ZFTA: variants seen among roughly 807,000 people sequenced by gnomAD.
The protein encoded by ZFTA is zinc finger translocation-associated protein.
ZFTA carries 35 observed loss-of-function variants against 41.8 expected under a neutral mutation model. That is an observed-to-expected ratio of 0.84 (90% confidence interval 0.64 to 1.11). The LOEUF (loss-of-function observed/expected upper bound fraction) is 1.11. ZFTA is among the 50% of genes most tolerant of loss of function. The pLI is 0.00. For missense variants in ZFTA, 964 were observed against 989.8 expected, an observed-to-expected ratio of 0.97 and a Z score of 0.35; for synonymous variants, 514 against 436.4, an observed-to-expected ratio of 1.18 and a Z score of -2.22.
chr11:63,765,739 G>C lies in ZFTA; in HGVS notation c.637+68C>G. ...TCAAGAACACCAGCTCCTTGGCAGA[G>C]CAGCTGGCCCACTGTGCCCCACTGG... On this transcript the variant is annotated intron_variant, in intron 2 of 4. Transcript: ENST00000433688. The surrounding 1 kb of genome is among the most constrained non-coding windows in gnomAD (Gnocchi z 4.0). The C allele has an allele frequency of 7.0e-7, 1 of 1,427,662 alleles. No homozygotes were observed. The highest frequency in any genetic ancestry group is 9.1e-7 in the Non-Finnish European group (1 of 1,093,758). 88.4% of individuals were successfully genotyped at this position (1,427,662 alleles called of 1,614,324 possible).
chr11:63,768,187 G>A (rs1390765172), intron 1 of ZFTA, among the ~76,000 whole-genome samples: 3 of 151,840 alleles, frequency 2.0e-5, no homozygotes, highest in Non-Finnish European at 4.4e-5. Context: ...GCCTCGCTCC[G>A]TGGCGCCCTG....
At position 63,762,807 on chromosome 11, in the gene ZFTA, C is replaced by T. The variant is rs1376735706; in HGVS notation, c.*611G>A. The T allele has an allele frequency of 1.3e-5, 2 of 152,108 alleles. No individual in the cohort carries two copies. The highest frequency in any genetic ancestry group is 2.4e-5 in the African/African-American group (1 of 41,430). The allele number at this position is 152,108 out of a possible 1,614,324, so 9.4% of individuals were successfully genotyped here. ...CGGGCGCGTAGCCCCGCCCTCGGTC[C>T]AACGCGCCTTCCCACCCCGGGAAGG... is the stretch of plus-strand genomic sequence containing the variant. On this transcript the variant is annotated 3_prime_UTR_variant, in exon 5 of 5. Transcript: ENST00000433688.
chr11:63,765,398 C>T lies in ZFTA; in HGVS notation c.638-144G>A. 1.0e-6 allele frequency: 1 copy of T among 964,436 alleles called. No homozygotes were observed. The highest frequency in any genetic ancestry group is 1.4e-6 in the Non-Finnish European group (1 of 692,556). The allele number at this position is 964,436 out of a possible 1,614,324, so 59.7% of individuals were successfully genotyped here. A position where few individuals can be genotyped will look rare whatever the true frequency, so the allele number is the denominator to read the frequency against. On this transcript the variant is annotated intron_variant, in intron 2 of 4. Transcript: ENST00000433688. This position sits in a 1 kb window ranked among gnomAD's most constrained non-coding sequence, Gnocchi z 4.0. ...CTTCCTCTCTCCTGAAATCCTAACTCCCTAAACCCTCCTCTGCTAGCATTT... is the reference window on the plus strand; with the variant it reads ...CTTCCTCTCTCCTGAAATCCTAACTTCCTAAACCCTCCTCTGCTAGCATTT...
At position 63,762,433 on chromosome 11, in the gene ZFTA, T is replaced by A. The variant is rs1236089303; in HGVS notation, c.*985A>T. The A allele has an allele frequency of 6.6e-6, 1 of 152,222 alleles. No homozygotes were observed. The highest frequency in any genetic ancestry group is 2.4e-5 in the African/African-American group (1 of 41,456). 9.4% of individuals were successfully genotyped at this position (152,222 alleles called of 1,614,324 possible). A position where few individuals can be genotyped will look rare whatever the true frequency, so the allele number is the denominator to read the frequency against. ...CTGGGAGATCGCGGGGCCCCATCCC[T>A]GCCACACAGGGCCTGCGGCTGCCAC... On this transcript the variant is annotated 3_prime_UTR_variant, in exon 5 of 5. Coordinates refer to ENST00000433688, the MANE Select transcript of ZFTA (RefSeq NM_001144936.2).
Position 63,764,396 on chromosome 11 carries a change from C to G in ZFTA, c.1227G>C (p.Pro409=), listed in dbSNP as rs1374260552. Residue 409 remains proline, a synonymous_variant, in exon 4 of 5, where the codon CCG becomes CCC. Transcript: ENST00000433688. ...GGTGGCGGCGGTGGGCGCGGCCCCG[C>G]GGCGACCGGCCCGGGACCCCCGCCC... ...GERAGVPGRS[P]RGRAHRRHPQ... 3 of 1,296,022 alleles carry G rather than the reference C, an allele frequency of 2.3e-6. No individual in the cohort carries two copies. Among genetic ancestry groups the G allele is most frequent in the African/African-American group, 3.1e-5 (2 of 64,330 alleles). The allele number at this position is 1,296,022 out of a possible 1,614,324, so 80.3% of individuals were successfully genotyped here. A position where few individuals can be genotyped will look rare whatever the true frequency, so the allele number is the denominator to read the frequency against.
At position 63,760,363 on chromosome 11, in the gene ZFTA, C is replaced by T. The variant is rs866169524; in HGVS notation, c.*3055G>A. 2 of 152,200 alleles carry T rather than the reference C, an allele frequency of 1.3e-5. No individual in the cohort carries two copies. The highest frequency in any genetic ancestry group is 2.9e-5 in the Non-Finnish European group (2 of 68,028). The allele number at this position is 152,200 out of a possible 1,614,324, so 9.4% of individuals were successfully genotyped here. A position where few individuals can be genotyped will look rare whatever the true frequency, so the allele number is the denominator to read the frequency against. ...AACTAAGGCTGCTGTGACCCTTAAG[C>T]TGGCTTTTAAAAATGTATTCAACAT... On this transcript the variant is annotated 3_prime_UTR_variant, in exon 5 of 5. Coordinates refer to ENST00000433688, the MANE Select transcript of ZFTA (RefSeq NM_001144936.2).
At chr11:63,764,828 C>T (rs1025298605) in intron 3 of ZFTA, 40 bp downstream of exon 3, 20 of 1,438,264 alleles carry the variant, frequency 1.4e-5, no homozygotes, top group Admixed American at 2.8e-5. Context: ...ACTTCAGAGC[C>T]CCAGTATGAG....
chr11:63,764,299 A>G lies in ZFTA; in HGVS notation c.1324T>C (p.Cys442Arg). The change falls in exon 4 of 5, where the codon TGC becomes CGC. Residue 442 changes from cysteine (C) to arginine (R), a missense_variant. Around this residue, in one of 5 missense-constraint regions of ZFTA, gnomAD observed 584 missense variants for 523.1 expected, o/e 1.12. Transcript: ENST00000433688. ...GGRRGLVCGV[C>R]GGALASLKMS... ...TTGAGCGAGGCCAGCGCGCCCCCGC[A>G]CACCCCGCACACCAGGCCGCGCCGG... is the stretch of plus-strand genomic sequence containing the variant. 1 of 1,423,980 alleles carries G rather than the reference A, an allele frequency of 7.0e-7. No homozygotes were observed. The highest frequency in any genetic ancestry group is 9.1e-7 in the Non-Finnish European group (1 of 1,094,766). 88.2% of individuals were successfully genotyped at this position (1,423,980 alleles called of 1,614,324 possible). A position where few individuals can be genotyped will look rare whatever the true frequency, so the allele number is the denominator to read the frequency against.
Position 63,760,453 on chromosome 11 carries a change from G to A in ZFTA, c.*2965C>T, listed in dbSNP as rs950568377. The A allele has an allele frequency of 2.0e-5, 3 of 152,028 alleles. No individual in the cohort carries two copies. The highest frequency in any genetic ancestry group is 4.8e-5 in the African/African-American group (2 of 41,386). 9.4% of individuals were successfully genotyped at this position (152,028 alleles called of 1,614,324 possible). A position where few individuals can be genotyped will look rare whatever the true frequency, so the allele number is the denominator to read the frequency against. On this transcript the variant is annotated 3_prime_UTR_variant, in exon 5 of 5. Coordinates refer to ENST00000433688, the MANE Select transcript of ZFTA (RefSeq NM_001144936.2). The stretch of plus-strand genomic sequence containing the variant: ...CTGATGCAAACAATTTCACAAATAC[G>A]CATACAAATGTTTGAATAATGTCAC...
chr11:63,765,677 T>C lies in ZFTA; in HGVS notation c.637+130A>G, dbSNP rs1213805809. On this transcript the variant is annotated intron_variant, in intron 2 of 4. Coordinates refer to ENST00000433688, the MANE Select transcript of ZFTA (RefSeq NM_001144936.2). This position sits in a 1 kb window ranked among gnomAD's most constrained non-coding sequence, Gnocchi z 4.0. ...CCCCACCTTTGTATAATAAGGGCAA[T>C]AAACAGACCCCACCCAGAGGAGGAG... 2.3e-6 allele frequency: 3 copies of C among 1,303,264 alleles called. No homozygotes were observed. The highest frequency in any genetic ancestry group is 3.0e-6 in the Non-Finnish European group (3 of 990,644). 80.7% of individuals were successfully genotyped at this position (1,303,264 alleles called of 1,614,324 possible).
At position 63,761,668 on chromosome 11, in the gene ZFTA, T is replaced by C. The variant is rs1402572595; in HGVS notation, c.*1750A>G. ...GTTCCTGGGCTCCAATTTACCTATC[T>C]GTGAAGGTGAGGAGGGTAGTACTAG... On this transcript the variant is annotated 3_prime_UTR_variant, in exon 5 of 5. Transcript: ENST00000433688. The C allele has an allele frequency of 2.6e-5, 4 of 152,282 alleles. No individual in the cohort carries two copies. Among genetic ancestry groups the C allele is most frequent in the Non-Finnish European group, 5.9e-5 (4 of 68,112 alleles). 9.4% of individuals were successfully genotyped at this position (152,282 alleles called of 1,614,324 possible).
At position 63,763,784 on chromosome 11, in the gene ZFTA, T is replaced by TC; in HGVS notation, c.1670dup (p.Leu558ThrfsTer77). On this transcript the variant is annotated frameshift_variant, in exon 5 of 5. Transcript: ENST00000433688. LOFTEE classifies it low-confidence loss of function (END_TRUNC). ...GAGGAGGCGGCGGCGGCAAGGCGAG[T>TC]CCCCCAGGCTCCTGGCCGTCCTCTT... 1 of 1,454,672 alleles carries TC rather than the reference T, an allele frequency of 6.9e-7. No homozygotes were observed. 90.1% of individuals were successfully genotyped at this position (1,454,672 alleles called of 1,614,324 possible). A position where few individuals can be genotyped will look rare whatever the true frequency, so the allele number is the denominator to read the frequency against.
Position 63,760,455 on chromosome 11 carries a change from A to C in ZFTA, c.*2963T>G, listed in dbSNP as rs983145861. The stretch of plus-strand genomic sequence containing the variant: ...GATGCAAACAATTTCACAAATACGC[A>C]TACAAATGTTTGAATAATGTCACTA... On this transcript the variant is annotated 3_prime_UTR_variant, in exon 5 of 5. Transcript: ENST00000433688. The C allele has an allele frequency of 6.6e-6, 1 of 152,240 alleles. No individual in the cohort carries two copies. The highest frequency in any genetic ancestry group is 1.5e-5 in the Non-Finnish European group (1 of 68,044). The allele number at this position is 152,240 out of a possible 1,614,324, so 9.4% of individuals were successfully genotyped here. A position where few individuals can be genotyped will look rare whatever the true frequency, so the allele number is the denominator to read the frequency against.
chr11:63,765,191 GC>G lies in ZFTA; in HGVS notation c.700del (p.Ala234LeufsTer27). The G allele has an allele frequency of 6.6e-7, 1 of 1,510,080 alleles. No individual in the cohort carries two copies. Among genetic ancestry groups the G allele is most frequent in the Non-Finnish European group, 8.8e-7 (1 of 1,132,608 alleles). The allele number at this position is 1,510,080 out of a possible 1,614,324, so 93.5% of individuals were successfully genotyped here. A position where few individuals can be genotyped will look rare whatever the true frequency, so the allele number is the denominator to read the frequency against. On this transcript the variant is annotated frameshift_variant, in exon 3 of 5. Coordinates refer to ENST00000433688, the MANE Select transcript of ZFTA (RefSeq NM_001144936.2). LOFTEE classifies it high-confidence loss of function. The surrounding 1 kb of genome is among the most constrained non-coding windows in gnomAD (Gnocchi z 4.0). ...GGAGGCTGAGAGGCGCAGACGCCGA[GC>G]CCGGGGTGCCACTGGGCCCCCTCGC... Reference protein sequence around the residue: ...QRRGGPVAPRARRLRLSASRR... With the variant: ...QRRGGPVAPRXRRLRLSASRR...
In ZFTA at chr11:63,763,291, G is replaced by T. The variant is rs1326182622; in HGVS notation, c.*127C>A. On this transcript the variant is annotated 3_prime_UTR_variant, in exon 5 of 5. Coordinates refer to ENST00000433688, the MANE Select transcript of ZFTA (RefSeq NM_001144936.2). Reference sequence around the variant, plus strand: ...CCGTCTCCGCCCGGCCCGGCCAGCGGGGGGCGCGGCCGCGGGAAGCGCTAA... The same window carrying T: ...CCGTCTCCGCCCGGCCCGGCCAGCGTGGGGCGCGGCCGCGGGAAGCGCTAA... 3 of 655,100 alleles carry T rather than the reference G, an allele frequency of 4.6e-6. No homozygotes were observed. Among genetic ancestry groups the T allele is most frequent in the South Asian group, 7.2e-5 (1 of 13,940 alleles). 40.6% of individuals were successfully genotyped at this position (655,100 alleles called of 1,614,324 possible). A position where few individuals can be genotyped will look rare whatever the true frequency, so the allele number is the denominator to read the frequency against.
intron 1 of ZFTA, among the ~76,000 whole-genome samples, chr11:63,767,887 G>A (rs2014772198): frequency 6.6e-6 from 1 of 152,208 alleles, no homozygotes; most frequent in Non-Finnish European, 1.5e-5. Context: ...CGAACCCATC[G>A]CTTTAAAAAC....
chr11:63,768,540 C>A lies in ZFTA; in HGVS notation c.83G>T (p.Arg28Leu). ...PGPAVASARG[R>L]RLPPAGSSGS... ...GCTCGATCCGGCGGGCGGCAGCCGT[C>A]GGCCCCGTGCCGAGGCCACTGCTGG... The change falls in exon 1 of 5, where the codon CGA (arginine) becomes CTA (leucine). Residue 28 changes from arginine (R) to leucine (L), a missense_variant. By Grantham distance (102) the Arg-to-Leu change is moderately radical. Coordinates refer to ENST00000433688, the MANE Select transcript of ZFTA (RefSeq NM_001144936.2). 3 of 1,145,354 alleles carry A rather than the reference C, an allele frequency of 2.6e-6. No homozygotes were observed. The highest frequency in any genetic ancestry group is 2.3e-5 in the South Asian group (1 of 43,650). 70.9% of individuals were successfully genotyped at this position (1,145,354 alleles called of 1,614,324 possible). A position where few individuals can be genotyped will look rare whatever the true frequency, so the allele number is the denominator to read the frequency against.
At chr11:63,768,447 CG>C (rs1333876285) in intron 1 of ZFTA, 36 bp downstream of exon 1, 23 of 1,091,062 alleles carry the variant, frequency 2.1e-5, no homozygotes, top group South Asian at 1.7e-4. Context: ...TCCCCCACGC[CG>C]GGGCCCCCGC....
rs1188278228 is a variant in ZFTA, at chr11:63,765,759, CACTGGCCACCCAGGCCCCTGCCTGT to C, written c.637+23_637+47del. The C allele has an allele frequency of 2.1e-6, 3 of 1,434,956 alleles. No individual in the cohort carries two copies. The highest frequency in any genetic ancestry group is 5.8e-5 in the Admixed American group (2 of 34,590). The allele number at this position is 1,434,956 out of a possible 1,614,324, so 88.9% of individuals were successfully genotyped here. ...GCAGAGCAGCTGGCCCACTGTGCCC[CACTGGCCACCCAGGCCCCTGCCTGT>C]ACAGAATCTGCATTTGCATTACCTG... On this transcript the variant is annotated intron_variant, in intron 2 of 4. Transcript: ENST00000433688. This position sits in a 1 kb window ranked among gnomAD's most constrained non-coding sequence, Gnocchi z 4.0.
Sources: allele counts gnomAD v4.1 joint callset (sites outside exome capture counted in the v4.1 genomes callset), GRCh38; gene constraint gnomAD v4.1.1; regional missense constraint gnomAD v4.1.1; non-coding constraint Gnocchi (gnomAD v3.1); transcripts MANE v1.5; gene names NCBI Gene and HGNC (gene_info 2026-07-23, HGNC 2026-07-21).